URI1: variants seen among roughly 807,000 people sequenced by gnomAD.
The protein encoded by URI1 is URI1 prefoldin like chaperone.
URI1 carries 39 observed loss-of-function variants against 60.2 expected under a neutral mutation model. That is an observed-to-expected ratio of 0.65 (90% CI 0.50 to 0.85). The LOEUF is 0.85. Among genes scored for constraint, URI1 ranks in the 40% least tolerant of loss-of-function variants. The probability of loss-of-function intolerance (pLI) is 0.00; values close to 1 mark genes in which losing one functional copy is unlikely to be tolerated. For missense variants in URI1, 691 were observed against 665.9 expected (o/e 1.04, Z -0.42); for synonymous variants, 251 against 236.8 (o/e 1.06, Z -0.55).
upstream of URI1, among the ~76,000 whole-genome samples, chr19:29,939,589 A>C (rs2055003949): frequency 6.6e-6 from 1 of 152,160 alleles, no homozygotes; most frequent in African/African-American, 2.4e-5. Flanking sequence ...TGATCATTTG[A>C]AAGTGTGATA....
chr19:30,002,186 T>C (rs188972871), intron 4 of URI1, among the ~76,000 whole-genome samples: 117 of 152,166 alleles, frequency 7.7e-4, no homozygotes, highest in Middle Eastern at 3.4e-3. Flanking sequence ...TCATAACTTT[T>C]ATTAGTGTTT....
At chr19:30,014,666 C>A (rs2056063069) in intron 10 of URI1, among the ~76,000 whole-genome samples, 1 of 151,578 alleles carries the variant, frequency 6.6e-6, no homozygotes, top group South Asian at 2.1e-4. Flanking sequence ...ATTTTGTTTT[C>A]TTGCATGTAT....
At chr19:29,984,658 G>A (rs915488103) in intron 2 of URI1, among the ~76,000 whole-genome samples, 5 of 152,066 alleles carry the variant, frequency 3.3e-5, no homozygotes, top group Non-Finnish European at 5.9e-5. Flanking sequence ...TTGCTAAACT[G>A]TATAAAAACA....
chr19:29,928,028 A>G (rs936876500), intron 1 of URI1, among the ~76,000 whole-genome samples: 15 of 152,066 alleles, frequency 9.9e-5, no homozygotes, highest in African/African-American at 3.6e-4. Context: ...GGCGTGCTGC[A>G]AAGAAGCCCA....
intron 4 of URI1, among the ~76,000 whole-genome samples, chr19:29,995,104 C>A: frequency 6.6e-6 from 1 of 151,936 alleles, no homozygotes; most frequent in African/African-American, 2.4e-5. Flanking sequence ...TTTTAAGGAA[C>A]CTCCATTCTG....
At chr19:29,998,898 G>T (rs2055845076) in intron 4 of URI1, among the ~76,000 whole-genome samples, 1 of 151,540 alleles carries the variant, frequency 6.6e-6, no homozygotes, top group East Asian at 1.9e-4. Flanking sequence ...CTATATTACT[G>T]CCTTCCTTTG....
At chr19:29,946,471 CG>C (rs1425520147) in intron 1 of URI1, among the ~76,000 whole-genome samples, 1 of 151,910 alleles carries the variant, frequency 6.6e-6, no homozygotes, top group African/African-American at 2.4e-5. Flanking sequence ...GATCCAGTAT[CG>C]TTTTTATAGG....
chr19:29,979,714 CAT>C (rs2145353383), intron 2 of URI1, among the ~76,000 whole-genome samples: 1 of 151,878 alleles, frequency 6.6e-6, no homozygotes, highest in East Asian at 1.9e-4. Flanking sequence ...CTGATGGACT[CAT>C]AAAATATAAA....
At chr19:29,990,800 T>A (rs1006565947) in intron 4 of URI1, among the ~76,000 whole-genome samples, 11 of 152,206 alleles carry the variant, frequency 7.2e-5, no homozygotes, top group African/African-American at 2.7e-4. Flanking sequence ...TTGGTAATGG[T>A]TGCACAACCC....
At chr19:30,009,516 G>GA (rs1446735850) in intron 8 of URI1, among the ~76,000 whole-genome samples, 163 bp downstream of exon 8, 1 of 151,918 alleles carries the variant, frequency 6.6e-6, no homozygotes, top group Non-Finnish European at 1.5e-5. Context: ...AAGAAAAAGG[G>GA]AAAAAAAATT....
chr19:29,951,650 G>T (rs2055181677), intron 1 of URI1, among the ~76,000 whole-genome samples: 1 of 151,772 alleles, frequency 6.6e-6, no homozygotes, highest in Non-Finnish European at 1.5e-5. Flanking sequence ...GGGTTCGAGT[G>T]ACTCTCCTGC....
chr19:30,003,305 A>T (rs1439239543), intron 4 of URI1, among the ~76,000 whole-genome samples: 2 of 151,898 alleles, frequency 1.3e-5, no homozygotes, highest in Non-Finnish European at 2.9e-5. Flanking sequence ...TAGCTATCTA[A>T]TTTTTTGTTG....
In URI1 at chr19:30,009,322, T is replaced by C; in HGVS notation, c.1004T>C (p.Ile335Thr). 1 of 1,614,008 alleles carries C rather than the reference T, an allele frequency of 6.2e-7. No homozygotes were observed. The change falls in exon 8 of 11, where the codon ATA becomes ACA. Residue 335 changes from isoleucine to threonine, a missense_variant. By Grantham distance (89) the Ile-to-Thr change is moderately conservative (BLOSUM62 -1). Transcript: ENST00000392271. ...GTTGGAGATAATTCTATACCAACAATATATTTTTCACATACTGTTGAGCCT... is the reference window on the plus strand; with the variant it reads ...GTTGGAGATAATTCTATACCAACAACATATTTTTCACATACTGTTGAGCCT... ...LGVGDNSIPT[I>T]YFSHTVEPKR...
chr19:29,990,709 G>A (rs543760580), intron 4 of URI1, among the ~76,000 whole-genome samples: 2 of 152,326 alleles, frequency 1.3e-5, no homozygotes, highest in South Asian at 4.1e-4. Flanking sequence ...TTAGGGCCAG[G>A]AAGGTGTGAG....
At chr19:29,954,296 G>C (rs954748813) in intron 1 of URI1, among the ~76,000 whole-genome samples, 5 of 152,150 alleles carry the variant, frequency 3.3e-5, no homozygotes, top group Non-Finnish European at 7.4e-5. Context: ...GATCCCAAAA[G>C]TCACTTGAAT....
chr19:29,935,916 A>G (rs1049111630), intron 1 of URI1, among the ~76,000 whole-genome samples: 2 of 151,606 alleles, frequency 1.3e-5, no homozygotes, highest in Non-Finnish European at 1.5e-5. Context: ...TCTCCCAAGT[A>G]GCTGGGACTA....
At chr19:30,003,229 T>A (rs2055899595) in intron 4 of URI1, among the ~76,000 whole-genome samples, 1 of 152,048 alleles carries the variant, frequency 6.6e-6, no homozygotes. Flanking sequence ...TATGTTATTG[T>A]GAGCACCAGG....
chr19:29,960,124 A>G (rs890501670), intron 1 of URI1, among the ~76,000 whole-genome samples: 2 of 151,932 alleles, frequency 1.3e-5, no homozygotes, highest in African/African-American at 4.8e-5. Context: ...TTTTCTACTT[A>G]TTTTTCTGTT....
chr19:30,012,255 G>A (rs16963628), intron 9 of URI1, 30 bp from the exon 10 acceptor site: 97,631 of 1,587,086 alleles, frequency 0.062, 4,551 homozygotes, highest in East Asian at 0.19. Flanking sequence ...GTTACGTATA[G>A]TGAATGCATA....
Sources: gnomAD v4.1 joint callset for allele counts (sites outside exome capture counted in the v4.1 genomes callset) on GRCh38, gnomAD v4.1.1 for gene constraint, MANE v1.5 for transcripts, NCBI Gene and HGNC (gene_info 2026-07-23, HGNC 2026-07-21) for gene names.